The following TBX4 variants were observed in gnomAD, a reference collection of about 807,000 sequenced individuals.
TBX4 encodes the protein T-box transcription factor TBX4.
Under a neutral mutation model 54.6 loss-of-function variants are expected in TBX4, and 13 were observed. The ratio of observed to expected loss-of-function variants is 0.24; its 90% CI spans 0.15 to 0.38. The LOEUF is 0.38. Among genes scored for constraint, TBX4 ranks in the 10% least tolerant of loss-of-function variants. TBX4 has a pLI of 1.00. For missense variants in TBX4, 631 were observed against 728.5 expected (o/e 0.87, Z 1.54); for synonymous variants, 314 against 306.7 (o/e 1.02, Z -0.25).
rs748755835 is a variant in TBX4, at chr17:61,456,515, G to C, written c.25G>C (p.Glu9Gln). MLQDKGLS[E>Q]SEEAFRAPGP... ...GATGCTGCAGGATAAGGGCCTGTCC[G>C]AGAGCGAGGAGGCCTTCCGGGCCCC... is the stretch of plus-strand genomic sequence containing the variant. The change falls in exon 2 of 9, where the codon GAG becomes CAG. Residue 9 changes from glutamate to glutamine, a missense_variant. By Grantham distance (29) the Glu-to-Gln change is conservative. This residue lies in a region of TBX4 where 123 missense variants were observed against 120.9 expected (regional missense o/e 1.02). Transcript: ENST00000644296. 3.2e-6 allele frequency: 5 copies of C among 1,567,556 alleles called. No homozygotes were observed. Among genetic ancestry groups the C allele is most frequent in the Non-Finnish European group, 4.3e-6 (5 of 1,156,914 alleles).
chr17:61,483,572 G>A lies in TBX4; in HGVS notation c.*56G>A. On this transcript the variant is annotated 3_prime_UTR_variant, in exon 9 of 9. Transcript: ENST00000644296. This position sits in a 1 kb window ranked among gnomAD's most constrained non-coding sequence, Gnocchi z 6.6. ...GTGTTGCTCCAGTATTAACCTCTGT[G>A]GGTGGCCTGCACTCTACCAAGAAAC... 1 of 1,610,126 alleles carries A rather than the reference G, an allele frequency of 6.2e-7. No individual in the cohort carries two copies. Among genetic ancestry groups the A allele is most frequent in the Non-Finnish European group, 8.5e-7 (1 of 1,178,390 alleles).
At chr17:61,454,436 G>C (rs555141071) in intron 1 of TBX4, among the ~76,000 whole-genome samples, 8 of 152,382 alleles carry the variant, frequency 5.2e-5, no homozygotes, top group Non-Finnish European at 7.3e-5. Flanking sequence ...ACCGCTATGC[G>C]GTGCTGAGTG....
chr17:61,477,148 C>T (rs1032769706), intron 5 of TBX4, among the ~76,000 whole-genome samples: 2 of 152,188 alleles, frequency 1.3e-5, no homozygotes, highest in African/African-American at 4.8e-5. Context: ...GAAGGGGACC[C>T]GAGGGCCCGC....
rs538980598 is a variant in TBX4, at chr17:61,474,930, G to A, written c.550-3697G>A. ...TACCTGTCCAGGTTCTAGACTGTCGGAGTCAGAAGGGGTGTTTGGGACCAC... is the reference window on the plus strand; with the variant it reads ...TACCTGTCCAGGTTCTAGACTGTCGAAGTCAGAAGGGGTGTTTGGGACCAC... On this transcript the variant is annotated intron_variant, in intron 5 of 8. Transcript: ENST00000644296. The surrounding 1 kb of genome is among the most constrained non-coding windows in gnomAD (Gnocchi z 4.6). 1.0e-3 allele frequency among the ~76,000 whole-genome samples: 155 copies of A among 152,212 alleles called. 2 individuals are homozygous for A. The highest frequency in any genetic ancestry group is 1.3e-3 in the Non-Finnish European group (87 of 68,040).
At position 61,460,759 on chromosome 17, in the gene TBX4, A is replaced by C. The variant is rs2060489382; in HGVS notation, c.281+3128A>C. On this transcript the variant is annotated intron_variant, in intron 3 of 8. Coordinates refer to ENST00000644296, the MANE Select transcript of TBX4 (RefSeq NM_001321120.2). The surrounding 1 kb of genome is among the most constrained non-coding windows in gnomAD (Gnocchi z 4.4). The stretch of plus-strand genomic sequence containing the variant: ...AAAAATTTAAATATAAACCTCCCCA[A>C]AATGAAAATTGCCTAACTGTCTCAC... Among the ~76,000 whole-genome samples, 2 of 152,152 alleles carry C rather than the reference A, an allele frequency of 1.3e-5. No individual in the cohort carries two copies. Among genetic ancestry groups the C allele is most frequent in the Admixed American group, 1.3e-4 (2 of 15,268 alleles).
At chr17:61,467,424 A>T in intron 4 of TBX4, 86 bp from the exon 5 acceptor site, 1 of 1,548,374 alleles carries the variant, frequency 6.5e-7, no homozygotes, top group Non-Finnish European at 8.9e-7. Flanking sequence ...CCTCTGGTCA[A>T]TGGGGGTTTG....
intron 1 of TBX4, 165 bp from the exon 2 acceptor site, chr17:61,456,323 C>A: frequency 2.3e-6 from 2 of 861,960 alleles, no homozygotes; most frequent in East Asian, 2.8e-5. Context: ...GAGGGACCTG[C>A]CTTCCTTGCG....
intron 5 of TBX4, among the ~76,000 whole-genome samples, chr17:61,470,003 T>C (rs945880100): frequency 6.6e-6 from 1 of 152,228 alleles, no homozygotes; most frequent in African/African-American, 2.4e-5. Flanking sequence ...TGGACTTTTC[T>C]TGGGGATCCT....
chr17:61,454,678 G>C (rs1024858232), intron 1 of TBX4, among the ~76,000 whole-genome samples: 1 of 152,254 alleles, frequency 6.6e-6, no homozygotes, highest in Non-Finnish European at 1.5e-5. Context: ...CCGAGCTGCG[G>C]GACCGGCGTC....
At chr17:61,477,941 C>CAAAAAAAAAAAAAAA (rs10617980) in intron 5 of TBX4, among the ~76,000 whole-genome samples, 5 of 88,670 alleles carry the variant, frequency 5.6e-5, no homozygotes, top group South Asian at 4.0e-4. Flanking sequence ...GATTCCATCT[C>CAAAAAAAAAAAAAAA]AAAAAAAAAA....
rs2060691527 is a variant in TBX4, at chr17:61,484,774, GCT to G, written c.*1266_*1267del. 2 of 147,688 alleles carry G rather than the reference GCT, an allele frequency of 1.4e-5. No homozygotes were observed. The highest frequency in any genetic ancestry group is 4.9e-5 in the African/African-American group (2 of 40,590). The allele number at this position is 147,688 out of a possible 1,614,324, so 9.1% of individuals were successfully genotyped here. On this transcript the variant is annotated 3_prime_UTR_variant, in exon 9 of 9. Coordinates refer to ENST00000644296, the MANE Select transcript of TBX4 (RefSeq NM_001321120.2). This position sits in a 1 kb window ranked among gnomAD's most constrained non-coding sequence, Gnocchi z 4.1. Reference sequence around the variant, plus strand: ...TAAATAAATATATATATTATATATCGCTCTCTCTCACAAATGCAGGCCACATG... The same window carrying G: ...TAAATAAATATATATATTATATATCGCTCTCTCACAAATGCAGGCCACATG...
In TBX4 at chr17:61,475,799, G is replaced by A. The variant is rs895984787; in HGVS notation, c.550-2828G>A. 3.3e-5 allele frequency among the ~76,000 whole-genome samples: 5 copies of A among 152,128 alleles called. No homozygotes were observed. The highest frequency in any genetic ancestry group is 7.4e-5 in the Non-Finnish European group (5 of 68,026). On this transcript the variant is annotated intron_variant, in intron 5 of 8. Coordinates refer to ENST00000644296, the MANE Select transcript of TBX4 (RefSeq NM_001321120.2). The surrounding 1 kb of genome is among the most constrained non-coding windows in gnomAD (Gnocchi z 5.0). ...TCTGTCCTGGGTTCTCTCAGCCCAC[G>A]GTCTTTGTTCTCCCTTTGCGCTGCC... is the stretch of plus-strand genomic sequence containing the variant.
Position 61,475,794 on chromosome 17 carries a change from C to G in TBX4, c.550-2833C>G, listed in dbSNP as rs144963124. On this transcript the variant is annotated intron_variant, in intron 5 of 8. Transcript: ENST00000644296. This position sits in a 1 kb window ranked among gnomAD's most constrained non-coding sequence, Gnocchi z 5.0. ...ATGGCTCTGTCCTGGGTTCTCTCAG[C>G]CCACGGTCTTTGTTCTCCCTTTGCG... Among the ~76,000 whole-genome samples the G allele has an allele frequency of 2.1e-3, 319 of 152,236 alleles. No homozygotes were observed. The highest frequency in any genetic ancestry group is 7.6e-3 in the African/African-American group (316 of 41,554).
At position 61,457,358 on chromosome 17, in the gene TBX4, C is replaced by G. The variant is rs1424333932; in HGVS notation, c.187-179C>G. ...CTTTAAAGGAGGAAGTTTTAGCCACCGATTAATTCTTTTATATTCACGAAT... is the reference window on the plus strand; with the variant it reads ...CTTTAAAGGAGGAAGTTTTAGCCACGGATTAATTCTTTTATATTCACGAAT... On this transcript the variant is annotated intron_variant, in intron 2 of 8. Transcript: ENST00000644296. The surrounding 1 kb of genome is among the most constrained non-coding windows in gnomAD (Gnocchi z 8.2). Among the ~76,000 whole-genome samples the G allele has an allele frequency of 6.6e-6, 1 of 152,158 alleles. No individual in the cohort carries two copies. Among genetic ancestry groups the G allele is most frequent in the East Asian group, 1.9e-4 (1 of 5,178 alleles).
chr17:61,456,636 G>A lies in TBX4; in HGVS notation c.146G>A (p.Gly49Glu). 2 of 1,355,834 alleles carry A rather than the reference G, an allele frequency of 1.5e-6. No individual in the cohort carries two copies. Among genetic ancestry groups the A allele is most frequent in the Non-Finnish European group, 1.9e-6 (2 of 1,053,716 alleles). The allele number at this position is 1,355,834 out of a possible 1,614,324, so 84.0% of individuals were successfully genotyped here. ...GGAGCCGCGCTAGGCAGCCCCCCGG[G>A]ACCCGGGGCCGACGTCGTCGCCGCC... ...LSGAALGSPPGPGADVVAAAA... is the reference protein window; with the variant it reads ...LSGAALGSPPEPGADVVAAAA... The change falls in exon 2 of 9, where the codon GGA (glycine) becomes GAA (glutamate). Residue 49 changes from glycine (G) to glutamate (E), a missense_variant. By Grantham distance (98) the Gly-to-Glu change is moderately conservative. Transcript: ENST00000644296.
chr17:61,480,421 A>T lies in TBX4; in HGVS notation c.1021+102A>T, dbSNP rs117177876. On this transcript the variant is annotated intron_variant, in intron 8 of 8. Coordinates refer to ENST00000644296, the MANE Select transcript of TBX4 (RefSeq NM_001321120.2). This position sits in a 1 kb window ranked among gnomAD's most constrained non-coding sequence, Gnocchi z 6.2. ...CCCCCCCCCCAACACACACACACTC[A>T]TCTCGTGCTTGTGTGGCCTGGGAGA... 2.4e-5 allele frequency: 24 copies of T among 994,746 alleles called. No individual in the cohort carries two copies. Among genetic ancestry groups the T allele is most frequent in the Non-Finnish European group, 3.7e-5 (24 of 655,954 alleles). 61.6% of individuals were successfully genotyped at this position (994,746 alleles called of 1,614,324 possible).
chr17:61,476,276 T>C lies in TBX4; in HGVS notation c.550-2351T>C, dbSNP rs2060619384. Among the ~76,000 whole-genome samples, 1 of 152,194 alleles carries C rather than the reference T, an allele frequency of 6.6e-6. No homozygotes were observed. The highest frequency in any genetic ancestry group is 2.4e-5 in the African/African-American group (1 of 41,442). On this transcript the variant is annotated intron_variant, in intron 5 of 8. Coordinates refer to ENST00000644296, the MANE Select transcript of TBX4 (RefSeq NM_001321120.2). The surrounding 1 kb of genome is among the most constrained non-coding windows in gnomAD (Gnocchi z 6.5). The stretch of plus-strand genomic sequence containing the variant: ...GCAGGCCCTTGTACCTGAGACTTCC[T>C]GGAAGATCTGGGTCTTCCTAGAAGA...
intron 1 of TBX4, among the ~76,000 whole-genome samples, chr17:61,455,335 G>T (rs753664638): frequency 2.6e-5 from 4 of 152,230 alleles, no homozygotes; most frequent in Non-Finnish European, 4.4e-5. Flanking sequence ...GAAAGGCGGG[G>T]CATTCCGCCT....
At chr17:61,470,493 A>G (rs1037819174) in intron 5 of TBX4, among the ~76,000 whole-genome samples, 19 of 152,274 alleles carry the variant, frequency 1.2e-4, no homozygotes, top group Non-Finnish European at 1.5e-4. Flanking sequence ...AGAACCTCCT[A>G]AAAGGACTGA....
Sources: gnomAD v4.1 joint callset for allele counts (sites outside exome capture counted in the v4.1 genomes callset) on GRCh38, gnomAD v4.1.1 for gene constraint, gnomAD v4.1.1 regional missense constraint, Gnocchi (gnomAD v3.1) non-coding constraint, MANE v1.5 for transcripts, NCBI Gene and HGNC (gene_info 2026-07-23, HGNC 2026-07-21) for gene names.